The following CADPS2 variants were observed in gnomAD, a reference collection of about 807,000 sequenced individuals.
CADPS2 encodes calcium-dependent secretion activator 2.
In CADPS2, 93 loss-of-function variants were observed where a neutral mutation model predicts 172.5. That is an observed-to-expected ratio of 0.54 (90% CI 0.46 to 0.64). The LOEUF is 0.64. CADPS2 is among the 30% of genes least tolerant of loss of function. The pLI is 0.00. For missense variants in CADPS2, 1,420 were observed against 1,565.9 expected (o/e 0.91, Z 1.57); for synonymous variants, 546 against 555.2 (o/e 0.98, Z 0.23).
intron 29 of CADPS2, among the ~76,000 whole-genome samples, chr7:122,324,537 T>G (rs570416045): frequency 1.7e-4 from 26 of 152,258 alleles, no homozygotes; most frequent in African/African-American, 6.0e-4. Context: ...GAATTTGTGG[T>G]TCTAACAAGT....
At chr7:122,843,205 CA>C (rs1811052080) in intron 1 of CADPS2, among the ~76,000 whole-genome samples, 1 of 151,918 alleles carries the variant, frequency 6.6e-6, no homozygotes, top group Non-Finnish European at 1.5e-5. Flanking sequence ...TAGACAAAAG[CA>C]TGTACTCAAT....
chr7:122,778,056 A>T (rs2093939432), intron 1 of CADPS2, among the ~76,000 whole-genome samples: 1 of 152,026 alleles, frequency 6.6e-6, no homozygotes, highest in Admixed American at 6.5e-5. Flanking sequence ...GAAGACAAGA[A>T]AATGTAGGAA....
intron 4 of CADPS2, among the ~76,000 whole-genome samples, chr7:122,624,876 G>C (rs1224278603): frequency 6.6e-6 from 1 of 152,036 alleles, no homozygotes; most frequent in African/African-American, 2.4e-5. Flanking sequence ...TAGTAAACAA[G>C]GAAATAATTT....
chr7:122,819,139 G>A (rs1396890705), intron 1 of CADPS2, among the ~76,000 whole-genome samples: 1 of 152,208 alleles, frequency 6.6e-6, no homozygotes, highest in Admixed American at 6.5e-5. Flanking sequence ...CCAAACGCCT[G>A]AACTGCAGCA....
rs1164408698 is a variant in CADPS2 at position 122,416,177 on chromosome 7, AAATCAT to A, written c.2477-19_2477-14del. The A allele has an allele frequency of 6.8e-7, 1 of 1,460,584 alleles. No homozygotes were observed. The highest frequency in any genetic ancestry group is 2.5e-5 in the East Asian group (1 of 40,428). 90.5% of individuals were successfully genotyped at this position (1,460,584 alleles called of 1,614,324 possible). On this transcript the variant is annotated splice_polypyrimidine_tract_variant and intron_variant, in intron 17 of 29. Transcript: ENST00000449022. ...TGGTTCATGGTCTCTATATGAAAAAAAATCATAATCATGTTACCTTGAAAATAAAAA... is the reference window on the plus strand; with the variant it reads ...TGGTTCATGGTCTCTATATGAAAAAAAATCATGTTACCTTGAAAATAAAAA...
intron 6 of CADPS2, among the ~76,000 whole-genome samples, chr7:122,602,694 T>A (rs532260655): frequency 6.6e-6 from 1 of 152,066 alleles, no homozygotes; most frequent in Non-Finnish European, 1.5e-5. Flanking sequence ...TATGAATACT[T>A]TGATTCACAG....
At chr7:122,778,837 A>G (rs2093960901) in intron 1 of CADPS2, among the ~76,000 whole-genome samples, 1 of 152,228 alleles carries the variant, frequency 6.6e-6, no homozygotes, top group African/African-American at 2.4e-5. Flanking sequence ...AAATGTGACG[A>G]CATGAAACTT....
chr7:122,612,552 TAG>T (rs2074424094), intron 6 of CADPS2, among the ~76,000 whole-genome samples: 1 of 151,986 alleles, frequency 6.6e-6, no homozygotes, highest in African/African-American at 2.4e-5. Flanking sequence ...TCTAAATACA[TAG>T]AAAGACATCC....
intron 27 of CADPS2, among the ~76,000 whole-genome samples, chr7:122,360,029 C>T (rs1282581519): frequency 6.6e-6 from 1 of 152,120 alleles, no homozygotes; most frequent in African/African-American, 2.4e-5. Flanking sequence ...AATTTATATT[C>T]CATCTAGTCT....
At chr7:122,415,927 G>A in intron 18 of CADPS2, 134 bp downstream of exon 18, 3 of 484,130 alleles carry the variant, frequency 6.2e-6, no homozygotes, top group Non-Finnish European at 1.1e-5. Context: ...GTGAAACACT[G>A]CTTATCGTTG....
At chr7:122,680,409 T>TCAAA (rs1220874563) in intron 2 of CADPS2, among the ~76,000 whole-genome samples, 5 of 152,186 alleles carry the variant, frequency 3.3e-5, no homozygotes, top group Non-Finnish European at 4.4e-5. Flanking sequence ...ACCCCTCATA[T>TCAAA]CAAATCTAAA....
At chr7:122,885,962 G>A (rs2141863476) in intron 1 of CADPS2, 37 bp downstream of exon 1, 11 of 1,580,476 alleles carry the variant, frequency 7.0e-6, no homozygotes, top group Non-Finnish European at 8.6e-6. Context: ...AACCCAGGGA[G>A]AAGTGGTGGT....
In CADPS2 at chr7:122,447,543, ATTTT is replaced by A. The variant is rs1159112244; in HGVS notation, c.2288+3827_2288+3830del. Among the ~76,000 whole-genome samples the A allele has an allele frequency of 2.9e-3, 260 of 89,798 alleles. 27 individuals carry two copies. The highest frequency in any genetic ancestry group is 0.028 in the South Asian group (60 of 2,132). 58.9% of individuals were successfully genotyped at this position (89,798 alleles called of 152,430 possible). On this transcript the variant is annotated intron_variant, in intron 15 of 29. Transcript: ENST00000449022. ...CCATGTTGATTTCTTGTTTCGGGGA[ATTTT>A]TTTTTTTTTTTTTTTTTTTTTTTTG...
chr7:122,822,441 T>G (rs1299340519), intron 1 of CADPS2, among the ~76,000 whole-genome samples: 2 of 152,100 alleles, frequency 1.3e-5, no homozygotes, highest in East Asian at 3.9e-4. Context: ...GAAGCAACCC[T>G]GAGAAACATC....
At chr7:122,660,918 A>C (rs913450740) in intron 3 of CADPS2, among the ~76,000 whole-genome samples, 4 of 152,170 alleles carry the variant, frequency 2.6e-5, no homozygotes, top group African/African-American at 4.8e-5. Flanking sequence ...TCGGAAAAAA[A>C]AGAAAAACTT....
At chr7:122,399,618 T>C (rs1181093269) in intron 20 of CADPS2, among the ~76,000 whole-genome samples, 2 of 148,964 alleles carry the variant, frequency 1.3e-5, no homozygotes, top group African/African-American at 2.5e-5. Flanking sequence ...AATGATTGAG[T>C]ACAGCTATAT....
chr7:122,854,029 T>C lies in CADPS2; in HGVS notation c.339+31970A>G, dbSNP rs528362092. Among the ~76,000 whole-genome samples, 5 of 152,256 alleles carry C rather than the reference T, an allele frequency of 3.3e-5. No individual in the cohort carries two copies. The South Asian group carries it at 6.2e-4, about 19-fold the overall frequency. On this transcript the variant is annotated intron_variant, in intron 1 of 29. Coordinates refer to ENST00000449022, the MANE Select transcript of CADPS2 (RefSeq NM_017954.11). ...GTTAACACCAACAGACTCCAGGCCA[T>C]AGTAACTGCTGGAGCGATGTCCTCG... is the stretch of plus-strand genomic sequence containing the variant.
At chr7:122,556,477 T>C (rs1313061093) in intron 7 of CADPS2, among the ~76,000 whole-genome samples, 1 of 152,142 alleles carries the variant, frequency 6.6e-6, no homozygotes, top group Non-Finnish European at 1.5e-5. Context: ...TCTATGTTTA[T>C]ATAAAAATTG....
chr7:122,789,271 T>C (rs530269850), intron 1 of CADPS2, among the ~76,000 whole-genome samples: 17 of 152,160 alleles, frequency 1.1e-4, no homozygotes, highest in Non-Finnish European at 2.5e-4. Context: ...TCAGTGTTTT[T>C]ATACTCTTCA....
Sources: gnomAD v4.1 joint callset for allele counts (sites outside exome capture counted in the v4.1 genomes callset) on GRCh38, gnomAD v4.1.1 for gene constraint, MANE v1.5 for transcripts, NCBI Gene and HGNC (gene_info 2026-07-23, HGNC 2026-07-21) for gene names.